Variants in MAMDC2 observed in about 807,000 individuals in gnomAD.
MAMDC2 encodes the protein MAM domain-containing protein 2.
Under a neutral mutation model 89.8 loss-of-function variants are expected in MAMDC2, and 57 were observed. That is an observed-to-expected ratio of 0.63 (90% CI 0.51 to 0.79). The LOEUF (loss-of-function observed/expected upper bound fraction) is 0.79, where lower values mean the gene tolerates loss of function less well. Ranked by LOEUF, MAMDC2 falls within the 30% of genes least tolerant of loss-of-function variation. The probability of loss-of-function intolerance (pLI) is 0.00; values close to 1 mark genes in which losing one functional copy is unlikely to be tolerated. For missense variants in MAMDC2, 800 were observed against 820.6 expected, an observed-to-expected ratio of 0.97 and a Z score of 0.31; for synonymous variants, 313 against 293.4, an observed-to-expected ratio of 1.07 and a Z score of -0.68.
intron 7 of MAMDC2, among the ~76,000 whole-genome samples, chr9:70,137,812 C>G (rs2031063671): frequency 6.6e-6 from 1 of 152,168 alleles, no homozygotes; most frequent in South Asian, 2.1e-4. Flanking sequence ...CCAACTGCTA[C>G]AGTCACATCC....
intron 9 of MAMDC2, among the ~76,000 whole-genome samples, chr9:70,166,304 C>CAT (rs56121728): frequency 8.4e-5 from 11 of 131,264 alleles, no homozygotes; most frequent in South Asian, 2.4e-4. Flanking sequence ...CACACACACA[C>CAT]ATATATATAT....
chr9:70,166,799 T>C (rs1316397639), intron 9 of MAMDC2, among the ~76,000 whole-genome samples: 1 of 152,174 alleles, frequency 6.6e-6, no homozygotes, highest in Non-Finnish European at 1.5e-5. Flanking sequence ...TGGTGAACCA[T>C]TTCACTACCA....
chr9:70,102,915 A>G (rs1204520357), intron 2 of MAMDC2, among the ~76,000 whole-genome samples: 2 of 151,996 alleles, frequency 1.3e-5, no homozygotes, highest in Non-Finnish European at 2.9e-5. Flanking sequence ...CAACCTCCCA[A>G]TCCCCCTGTG....
chr9:70,153,888 A>G (rs1476145756), intron 9 of MAMDC2: 1 of 152,140 alleles, frequency 6.6e-6, no homozygotes, highest in African/African-American at 2.4e-5. Context: ...GAGATATTCC[A>G]TTGAAAAAGA....
chr9:70,117,321 G>A lies in MAMDC2; in HGVS notation c.643+4189G>A, dbSNP rs182201441. ...AAAGAAGGATGAGTTCATGTCCTTT[G>A]CAGGGACATGGATGAAACTGGAAAC... On this transcript the variant is annotated intron_variant, in intron 5 of 13. Coordinates refer to ENST00000377182, the MANE Select transcript of MAMDC2 (RefSeq NM_153267.5). Among the ~76,000 whole-genome samples, 13 of 152,284 alleles carry A rather than the reference G, an allele frequency of 8.5e-5. No individual in the cohort carries two copies. The East Asian group carries it at 2.5e-3, about 29-fold the overall frequency.
chr9:70,088,290 G>A (rs968429935), intron 2 of MAMDC2: 3 of 151,992 alleles, frequency 2.0e-5, no homozygotes, highest in African/African-American at 7.2e-5. Context: ...GAACAATGGG[G>A]GAAAAACAAG....
chr9:70,053,433 TTAG>T (rs1434946727), intron 2 of MAMDC2, among the ~76,000 whole-genome samples: 7 of 152,184 alleles, frequency 4.6e-5, no homozygotes, highest in Admixed American at 2.0e-4. Context: ...ATGTTCTATG[TTAG>T]TAGTTGGAGG....
chr9:70,178,706 C>T (rs1040373318), intron 11 of MAMDC2, among the ~76,000 whole-genome samples: 22 of 152,174 alleles, frequency 1.4e-4, no homozygotes, highest in Admixed American at 3.9e-4. Flanking sequence ...TTCCATATTT[C>T]CTGAATACCC....
intron 2 of MAMDC2, among the ~76,000 whole-genome samples, chr9:70,083,121 A>G (rs935364983): frequency 2.6e-5 from 4 of 152,206 alleles, no homozygotes; most frequent in African/African-American, 9.6e-5. Flanking sequence ...TAAAATCAGA[A>G]GGCATAATAG....
intron 11 of MAMDC2, among the ~76,000 whole-genome samples, chr9:70,178,244 C>T (rs2032557787): frequency 6.6e-6 from 1 of 152,120 alleles, no homozygotes. Flanking sequence ...GTTCTAGGGG[C>T]TGCAAAGTCT....
chr9:70,149,742 C>G (rs772196345), intron 9 of MAMDC2, among the ~76,000 whole-genome samples: 5 of 152,138 alleles, frequency 3.3e-5, no homozygotes, highest in Non-Finnish European at 7.4e-5. Flanking sequence ...TTATAAAGTG[C>G]ACCAGGGTAT....
At chr9:70,124,326 T>G (rs1362654998) in intron 5 of MAMDC2, among the ~76,000 whole-genome samples, 3 of 152,266 alleles carry the variant, frequency 2.0e-5, no homozygotes, top group African/African-American at 7.2e-5. Flanking sequence ...CCTGACTCAA[T>G]CAACTTCACT....
rs141982809 is a variant in MAMDC2, at chr9:70,207,688, C to A, written c.1652-10649C>A. 4.5e-3 allele frequency among the ~76,000 whole-genome samples: 689 copies of A among 152,096 alleles called. 3 individuals are homozygous for A. Among genetic ancestry groups the A allele is most frequent in the African/African-American group, 0.014 (571 of 41,506 alleles). ...TTGTTGTCATTGCTTTTGGTGTTTT[C>A]GACATGAAGTCCTTGCCCATGCCTA... is the stretch of plus-strand genomic sequence containing the variant. On this transcript the variant is annotated intron_variant, in intron 11 of 13. Transcript: ENST00000377182.
At chr9:70,204,765 G>A (rs1206956411) in intron 11 of MAMDC2, among the ~76,000 whole-genome samples, 3 of 152,208 alleles carry the variant, frequency 2.0e-5, no homozygotes, top group Middle Eastern at 3.4e-3. Flanking sequence ...GTGGTGCGCC[G>A]TTTTTTAAGC....
chr9:70,109,643 C>T (rs1587479195), intron 3 of MAMDC2, 77 bp from the exon 4 acceptor site: 49 of 1,224,324 alleles, frequency 4.0e-5, no homozygotes, highest in Non-Finnish European at 5.5e-5. Flanking sequence ...CAGCTCCAGA[C>T]TAATAGCTGA....
chr9:70,191,131 A>G (rs2032868904), intron 11 of MAMDC2, among the ~76,000 whole-genome samples: 1 of 152,146 alleles, frequency 6.6e-6, no homozygotes, highest in Non-Finnish European at 1.5e-5. Flanking sequence ...AAGTTCAGTC[A>G]AGCAAAGAGT....
chr9:70,062,036 G>T (rs992583701), intron 2 of MAMDC2, among the ~76,000 whole-genome samples: 1 of 152,176 alleles, frequency 6.6e-6, no homozygotes, highest in Admixed American at 6.5e-5. Flanking sequence ...CCAGAGTCCA[G>T]CTTCCCTACC....
chr9:70,189,397 T>C (rs2032829911), intron 11 of MAMDC2, among the ~76,000 whole-genome samples: 2 of 152,156 alleles, frequency 1.3e-5, no homozygotes, highest in Admixed American at 1.3e-4. Context: ...GAGTTAGCTG[T>C]TAATCTTATT....
At chr9:70,110,045 G>A (rs1828466758) in intron 4 of MAMDC2, among the ~76,000 whole-genome samples, 1 of 152,166 alleles carries the variant, frequency 6.6e-6, no homozygotes, top group African/African-American at 2.4e-5. Flanking sequence ...TATAGATGCA[G>A]GAACTGTAAC....
Sources: gnomAD v4.1 joint callset for allele counts (sites outside exome capture counted in the v4.1 genomes callset) on GRCh38, gnomAD v4.1.1 for gene constraint, MANE v1.5 for transcripts, NCBI Gene and HGNC (gene_info 2026-07-23, HGNC 2026-07-21) for gene names.